Variants in DTNA observed in about 807,000 individuals in gnomAD.
DTNA encodes the protein dystrobrevin alpha, also known as dystrophin-related protein 3.
A neutral mutation model predicts 100.7 loss-of-function variants in DTNA; 43 were observed. The ratio of observed to expected loss-of-function variants is 0.43; its 90% CI spans 0.33 to 0.55. The LOEUF (loss-of-function observed/expected upper bound fraction) is 0.55. DTNA is among the 20% of genes least tolerant of loss of function. The pLI, the probability that DTNA is intolerant of heterozygous loss-of-function variation, is 0.04. For missense variants in DTNA, 798 were observed against 953.9 expected, an observed-to-expected ratio of 0.84 and a Z score of 2.15; for synonymous variants, 349 against 347.9, an observed-to-expected ratio of 1.00 and a Z score of -0.04.
intron 1 of DTNA, among the ~76,000 whole-genome samples, chr18:34,682,681 G>C (rs1033907498): frequency 1.3e-5 from 2 of 151,916 alleles, no homozygotes; most frequent in African/African-American, 4.8e-5. Context: ...TCCGATCTTT[G>C]GCCCATTTTT....
At chr18:34,551,736 C>A (rs2045441071) in intron 1 of DTNA, among the ~76,000 whole-genome samples, 1 of 152,178 alleles carries the variant, frequency 6.6e-6, no homozygotes, top group Non-Finnish European at 1.5e-5. Flanking sequence ...TGGTCTAGAT[C>A]TGAAAGTCCT....
chr18:34,815,558 C>T (rs928213024), intron 6 of DTNA: 2 of 268,674 alleles, frequency 7.4e-6, no homozygotes, highest in Admixed American at 5.0e-5. Context: ...AGCTATGATG[C>T]GTTCTTGAGT....
intron 2 of DTNA, among the ~76,000 whole-genome samples, chr18:34,756,981 C>A (rs2092821651): frequency 6.6e-6 from 1 of 152,030 alleles, no homozygotes; most frequent in Admixed American, 6.5e-5. Context: ...AAGTGACTGG[C>A]AAGAATGAGG....
intron 3 of DTNA, among the ~76,000 whole-genome samples, chr18:34,773,111 G>A (rs559212094): frequency 1.3e-5 from 2 of 152,312 alleles, no homozygotes; most frequent in South Asian, 4.1e-4. Context: ...AGCCAGAGAA[G>A]TCTCCTTGCT....
intron 1 of DTNA, among the ~76,000 whole-genome samples, chr18:34,595,022 C>T (rs561949234): frequency 1.3e-5 from 2 of 152,212 alleles, no homozygotes; most frequent in Non-Finnish European, 2.9e-5. Context: ...TGATAGTTAA[C>T]CTTGGGTAAT....
At chr18:34,776,738 G>A (rs921326100) in intron 3 of DTNA, among the ~76,000 whole-genome samples, 1 of 152,168 alleles carries the variant, frequency 6.6e-6, no homozygotes, top group African/African-American at 2.4e-5. Context: ...TCCTGCAGTG[G>A]CTCCCCACTT....
chr18:34,714,188 T>C (rs992013378), intron 1 of DTNA, among the ~76,000 whole-genome samples: 1 of 151,838 alleles, frequency 6.6e-6, no homozygotes, highest in African/African-American at 2.4e-5. Flanking sequence ...ACTTCATGTC[T>C]AAAACACCAA....
At chr18:34,809,283 G>A (rs1477426000) in intron 5 of DTNA, among the ~76,000 whole-genome samples, 1 of 152,060 alleles carries the variant, frequency 6.6e-6, no homozygotes, top group African/African-American at 2.4e-5. Flanking sequence ...TTGCTGGCTT[G>A]CATTTTAATG....
intron 1 of DTNA, among the ~76,000 whole-genome samples, chr18:34,585,141 A>G (rs1321682342): frequency 2.6e-5 from 4 of 152,194 alleles, no homozygotes; most frequent in Non-Finnish European, 5.9e-5. Context: ...GAGTCCATCG[A>G]GAAAGAAAAA....
chr18:34,874,379 T>C (rs1213579530), intron 17 of DTNA, among the ~76,000 whole-genome samples: 1 of 152,204 alleles, frequency 6.6e-6, no homozygotes, highest in Non-Finnish European at 1.5e-5. Flanking sequence ...GTCAACTAAT[T>C]ATTAAAACAG....
In DTNA at chr18:34,771,394, G is replaced by A. The variant is rs188068983; in HGVS notation, c.148+5353G>A. Among the ~76,000 whole-genome samples, 31 of 152,240 alleles carry A rather than the reference G, an allele frequency of 2.0e-4. 1 individual carries two copies. In the East Asian group the frequency reaches 6.0e-3, roughly 30 times the overall value. On this transcript the variant is annotated intron_variant, in intron 3 of 22. Coordinates refer to ENST00000444659, the MANE Select transcript of DTNA (RefSeq NM_001386795.1). ...GGCGCCTGCAGTCCCAGCTACTTGG[G>A]AGGCTAAGGCAGGAGAATGGCATGA... is the stretch of plus-strand genomic sequence containing the variant.
chr18:34,737,430 C>T (rs868490925), intron 1 of DTNA, among the ~76,000 whole-genome samples: 11 of 152,128 alleles, frequency 7.2e-5, no homozygotes, highest in Non-Finnish European at 1.5e-4. Flanking sequence ...ATATTTGAAG[C>T]CATAAGGCTA....
chr18:34,764,743 C>T (rs1419367695), intron 2 of DTNA, among the ~76,000 whole-genome samples: 1 of 152,200 alleles, frequency 6.6e-6, no homozygotes. Context: ...ATAATCGCTT[C>T]CAGGATAGTT....
At chr18:34,714,593 G>T (rs1372315141) in intron 1 of DTNA, among the ~76,000 whole-genome samples, 2 of 150,264 alleles carry the variant, frequency 1.3e-5, no homozygotes, top group African/African-American at 2.5e-5. Flanking sequence ...AACAGGTGCT[G>T]GAGAGGATGT....
chr18:34,852,492 C>T (rs1198073580), intron 15 of DTNA, among the ~76,000 whole-genome samples: 1 of 152,192 alleles, frequency 6.6e-6, no homozygotes, highest in Non-Finnish European at 1.5e-5. Context: ...AGCTCATCTC[C>T]ACCACCACCC....
At chr18:34,886,058 A>G (rs970129814) in intron 22 of DTNA, among the ~76,000 whole-genome samples, 1 of 152,230 alleles carries the variant, frequency 6.6e-6, no homozygotes, top group Non-Finnish European at 1.5e-5. Context: ...AGCTTTCCCA[A>G]TCATGGAATC....
intron 1 of DTNA, among the ~76,000 whole-genome samples, chr18:34,745,937 C>A (rs543480756): frequency 6.6e-6 from 1 of 152,264 alleles, no homozygotes; most frequent in South Asian, 2.1e-4. Context: ...CAGCATCACA[C>A]CACTTAGCCA....
intron 1 of DTNA, among the ~76,000 whole-genome samples, chr18:34,517,688 T>C (rs2041785250): frequency 5.9e-5 from 9 of 152,114 alleles, no homozygotes; most frequent in Admixed American, 5.9e-4. Flanking sequence ...GTTATATAAA[T>C]GGAATTTTGC....
At chr18:34,635,705 G>A (rs2058594069) in intron 1 of DTNA, among the ~76,000 whole-genome samples, 1 of 151,968 alleles carries the variant, frequency 6.6e-6, no homozygotes, top group South Asian at 2.1e-4. Flanking sequence ...ACAAAAACAC[G>A]AATTTTGTTA....
Sources: allele counts gnomAD v4.1 joint callset (sites outside exome capture counted in the v4.1 genomes callset), GRCh38; gene constraint gnomAD v4.1.1; transcripts MANE v1.5; gene names NCBI Gene and HGNC (gene_info 2026-07-23, HGNC 2026-07-21).